The following MYEF2 variants were observed in gnomAD, a reference collection of about 807,000 sequenced individuals.
MYEF2 encodes the protein myelin gene expression factor 2.
A neutral mutation model predicts 75.2 loss-of-function variants in MYEF2; 37 were observed. The observed-to-expected ratio is 0.49, with a 90% confidence interval of 0.38 to 0.65. MYEF2 has a LOEUF of 0.65. Ranked by LOEUF, MYEF2 falls within the 30% of genes least tolerant of loss-of-function variation. The probability of loss-of-function intolerance (pLI) is 0.00; values close to 1 mark genes in which losing one functional copy is unlikely to be tolerated. For missense variants in MYEF2, 634 were observed against 771.4 expected (o/e 0.82, Z 2.11); for synonymous variants, 195 against 241.6 (o/e 0.81, Z 1.79).
rs559336119 is a variant in MYEF2 at position 48,137,206 on chromosome 15, T to C, written c.*5702A>G. 7.2e-6 allele frequency: 3 copies of C among 416,608 alleles called. No individual in the cohort carries two copies. The highest frequency in any genetic ancestry group is 4.1e-5 in the African/African-American group (2 of 49,352). The allele number at this position is 416,608 out of a possible 1,614,324, so 25.8% of individuals were successfully genotyped here. On this transcript the variant is annotated 3_prime_UTR_variant, in exon 17 of 17. Coordinates refer to ENST00000324324, the MANE Select transcript of MYEF2 (RefSeq NM_016132.5). ...ATAAAGTGTGACTGTGGTTCACAAA[T>C]GGGACAGATTGCCAAAATGTGGTGA...
At chr15:48,167,991 G>A (rs8028919) in intron 2 of MYEF2, among the ~76,000 whole-genome samples, 118,830 of 151,912 alleles carry the variant, frequency 0.78, 52,615 homozygotes, top group Non-Finnish European at 1. Context: ...CAAGTACATA[G>A]TTTGCAGGAC....
rs370973689 is a variant in MYEF2, at chr15:48,142,041, T to C, written c.*867A>G. ...TTTTCTTTTGTAGGGAAAGGAGATA[T>C]GGCTATGTCTAACATCGTGGGATCC... On this transcript the variant is annotated 3_prime_UTR_variant, in exon 17 of 17. Transcript: ENST00000324324. 4.4e-6 allele frequency: 7 copies of C among 1,608,968 alleles called. No homozygotes were observed. Among genetic ancestry groups the C allele is most frequent in the African/African-American group, 1.3e-5 (1 of 74,698 alleles).
intron 3 of MYEF2, 29 bp from the exon 4 acceptor site, chr15:48,166,157 G>A: frequency 2.6e-6 from 4 of 1,542,922 alleles, no homozygotes; most frequent in South Asian, 1.2e-5. Flanking sequence ...GTCAAAATAT[G>A]CAAAAGAAAA....
intron 1 of MYEF2, 83 bp downstream of exon 1, chr15:48,177,994 A>G: frequency 6.7e-7 from 1 of 1,499,748 alleles, no homozygotes; most frequent in Non-Finnish European, 9.0e-7. Flanking sequence ...GTTGTCCCCC[A>G]TCGGGGCACA....
intron 14 of MYEF2, among the ~76,000 whole-genome samples, chr15:48,150,575 A>G (rs1403145357): frequency 2.6e-5 from 4 of 152,024 alleles, no homozygotes; most frequent in African/African-American, 9.7e-5. Context: ...GAGATTCAGC[A>G]TTCCCCAGTG....
At chr15:48,161,211 T>C (rs970402760) in intron 5 of MYEF2, among the ~76,000 whole-genome samples, 8 of 152,190 alleles carry the variant, frequency 5.3e-5, no homozygotes, top group African/African-American at 1.7e-4. Context: ...ACCTACTATA[T>C]AACATGACTT....
In MYEF2 at chr15:48,159,692, A is replaced by C. The variant is rs1342559313; in HGVS notation, c.638T>G (p.Leu213Arg). ...SGLMNLPPSI[L>R]NNPNIPPEVI... ...TTCAGGAGGAATGTTTGGATTATTG[A>C]GTATGGAAGGTGGTAAATTCATCAA... The change falls in exon 6 of 17, where the codon CTC becomes CGC. Residue 213 changes from leucine to arginine, a missense_variant. Physicochemically the swap from Leu to Arg is moderately radical, Grantham distance 102. Coordinates refer to ENST00000324324, the MANE Select transcript of MYEF2 (RefSeq NM_016132.5). The C allele has an allele frequency of 6.8e-6, 11 of 1,613,648 alleles. No individual in the cohort carries two copies. Among genetic ancestry groups the C allele is most frequent in the Non-Finnish European group, 8.5e-6 (10 of 1,179,734 alleles).
chr15:48,143,119 A>G, intron 16 of MYEF2, 48 bp from the exon 17 acceptor site: 2 of 1,333,250 alleles, frequency 1.5e-6, no homozygotes, highest in Non-Finnish European at 2.0e-6. Flanking sequence ...AATAAGTTCT[A>G]TTTCACTTTA....
intron 9 of MYEF2, 129 bp downstream of exon 9, chr15:48,157,864 T>C: frequency 6.8e-7 from 1 of 1,462,294 alleles, no homozygotes; most frequent in Non-Finnish European, 9.0e-7. Context: ...CCAAACTATC[T>C]TCATAACTCC....
Position 48,158,050 on chromosome 15 carries a change from T to G in MYEF2, c.928A>C (p.Lys310Gln), listed in dbSNP as rs936399044. ...DRPMHVKMDD[K>Q]SVPHEEYRSH... ...CGGTACTCTTCATGAGGAACAGACT[T>G]GTCATCCTAATTGCAAGAAAGTTTA... The change falls in exon 9 of 17, where the codon AAG (lysine) becomes CAG (glutamine). Residue 310 changes from lysine to glutamine, a missense_variant. By Grantham distance (53) the Lys-to-Gln change is moderately conservative (BLOSUM62 1). Coordinates refer to ENST00000324324, the MANE Select transcript of MYEF2 (RefSeq NM_016132.5). 1 of 1,613,156 alleles carries G rather than the reference T, an allele frequency of 6.2e-7. No homozygotes were observed. Among genetic ancestry groups the G allele is most frequent in the Non-Finnish European group, 8.5e-7 (1 of 1,179,412 alleles).
intron 7 of MYEF2, 29 bp downstream of exon 7, chr15:48,158,740 A>G: frequency 1.2e-6 from 2 of 1,612,302 alleles, no homozygotes; most frequent in Non-Finnish European, 1.7e-6. Flanking sequence ...TCAACCTCAT[A>G]AACAATGCTG....
In MYEF2 at chr15:48,135,035, T is replaced by C. The variant is rs771857903; in HGVS notation, c.*7873A>G. 1 of 1,431,224 alleles carries C rather than the reference T, an allele frequency of 7.0e-7. No homozygotes were observed. The highest frequency in any genetic ancestry group is 1.2e-5 in the South Asian group (1 of 84,230). The allele number at this position is 1,431,224 out of a possible 1,614,324, so 88.7% of individuals were successfully genotyped here. On this transcript the variant is annotated 3_prime_UTR_variant, in exon 17 of 17. Coordinates refer to ENST00000324324, the MANE Select transcript of MYEF2 (RefSeq NM_016132.5). ...AAAAATTAGAGATTTTATGAATTTC[T>C]GATGGTTCAGTAATTTTTTTTCAGA...
chr15:48,154,011 T>C (rs978377141), intron 9 of MYEF2, 118 bp from the exon 10 acceptor site: 2 of 716,800 alleles, frequency 2.8e-6, no homozygotes, highest in Non-Finnish European at 4.5e-6. Context: ...CTGCAAATTT[T>C]CATATAAAAG....
intron 10 of MYEF2, chr15:48,152,813 A>G (rs370812411): frequency 5.2e-5 from 8 of 152,466 alleles, no homozygotes; most frequent in African/African-American, 1.7e-4. Flanking sequence ...AATGATTATG[A>G]TAATGAGCCT....
In MYEF2 at chr15:48,159,661, G is replaced by A. The variant is rs145451038; in HGVS notation, c.669C>T (p.Ile223=). The change falls in exon 6 of 17, where the codon ATC becomes ATT. Residue 223 remains isoleucine (I), a synonymous_variant. Coordinates refer to ENST00000324324, the MANE Select transcript of MYEF2 (RefSeq NM_016132.5). ...CAAGTCTACCGGCCTGCAAATTACT[G>A]ATGACTTCAGGAGGAATGTTTGGAT... ...LNNPNIPPEV[I]SNLQAGRLGS... is the part of the protein sequence containing the mutation. 6.2e-6 allele frequency: 10 copies of A among 1,613,266 alleles called. No individual in the cohort carries two copies. The African/African-American group carries it at 1.3e-4, about 22-fold the overall frequency.
At chr15:48,167,069 C>CA (rs938572876) in intron 3 of MYEF2, among the ~76,000 whole-genome samples, 5 of 151,456 alleles carry the variant, frequency 3.3e-5, no homozygotes, top group East Asian at 1.9e-4. Flanking sequence ...CAAAATACAA[C>CA]AAAAAAAATC....
Position 48,153,873 on chromosome 15 carries a change from T to A in MYEF2, c.1006A>T (p.Met336Leu), listed in dbSNP as rs771346439. 3.7e-6 allele frequency: 6 copies of A among 1,613,016 alleles called. No individual in the cohort carries two copies. The East Asian group carries it at 1.3e-4, about 36-fold the overall frequency. ...QLPRGLGGIG[M>L]GLGPGGQPIS... ...GGCTGTCCACCCGGACCAAGTCCCATCCCAATGCCTCCAAGACCACCTAAA... is the reference window on the plus strand; with the variant it reads ...GGCTGTCCACCCGGACCAAGTCCCAACCCAATGCCTCCAAGACCACCTAAA... The change falls in exon 10 of 17, where the codon ATG (methionine) becomes TTG (leucine). Residue 336 changes from methionine (M) to leucine (L), a missense_variant. Met to Leu is a conservative substitution (Grantham distance 15, BLOSUM62 2). Transcript: ENST00000324324.
At chr15:48,172,085 A>G (rs2140935780) in intron 1 of MYEF2, among the ~76,000 whole-genome samples, 1 of 152,288 alleles carries the variant, frequency 6.6e-6, no homozygotes, top group Non-Finnish European at 1.5e-5. Context: ...AGTTCAGAGC[A>G]GTAAATGTCT....
In MYEF2 at chr15:48,159,652, C is replaced by A. The variant is rs1238897890; in HGVS notation, c.678G>T (p.Leu226Phe). 3 of 1,613,188 alleles carry A rather than the reference C, an allele frequency of 1.9e-6. No individual in the cohort carries two copies. Among genetic ancestry groups the A allele is most frequent in the East Asian group, 4.5e-5 (2 of 44,842 alleles). ...PNIPPEVISNLQAGRLGSTIF... is the reference protein window; with the variant it reads ...PNIPPEVISNFQAGRLGSTIF... ...TTGTGGAACCAAGTCTACCGGCCTGCAAATTACTGATGACTTCAGGAGGAA... is the reference window on the plus strand; with the variant it reads ...TTGTGGAACCAAGTCTACCGGCCTGAAAATTACTGATGACTTCAGGAGGAA... Residue 226 changes from leucine (L) to phenylalanine (F), a missense_variant, in exon 6 of 17, where the codon TTG (leucine) becomes TTT (phenylalanine). Leu to Phe is a conservative substitution (Grantham distance 22). Transcript: ENST00000324324.
Sources: gnomAD v4.1 joint callset for allele counts (sites outside exome capture counted in the v4.1 genomes callset) on GRCh38, gnomAD v4.1.1 for gene constraint, MANE v1.5 for transcripts, NCBI Gene and HGNC (gene_info 2026-07-23, HGNC 2026-07-21) for gene names.